CEACAM5: variants seen among roughly 807,000 people sequenced by gnomAD.
CEACAM5 encodes cell adhesion molecule CEACAM5.
In CEACAM5, 52 loss-of-function variants were observed where a neutral mutation model predicts 63.0. That is an observed-to-expected ratio of 0.83 (90% CI 0.66 to 1.04). The LOEUF (loss-of-function observed/expected upper bound fraction) is 1.04, where lower values mean the gene tolerates loss of function less well. Among genes scored for constraint, CEACAM5 ranks in the 50% least tolerant of loss-of-function variants. The probability of loss-of-function intolerance (pLI) is 0.00; values close to 1 mark genes in which losing one functional copy is unlikely to be tolerated. For synonymous variants in CEACAM5, 357 were observed against 351.3 expected (o/e 1.02, Z -0.18); for missense variants, 790 against 864.8 (o/e 0.91, Z 1.08).
rs1326050477 is a variant in CEACAM5 at position 41,720,606 on chromosome 19, A to G, written c.1772-316A>G. Reference sequence around the variant, plus strand: ...ACTGCAAGCTCCGCCTCCTAGGTTCACACCATTCTCCTGCCTCAGCCTCCC... The same window carrying G: ...ACTGCAAGCTCCGCCTCCTAGGTTCGCACCATTCTCCTGCCTCAGCCTCCC... On this transcript the variant is annotated intron_variant, in intron 7 of 9. Transcript: ENST00000221992. 2.8e-5 allele frequency among the ~76,000 whole-genome samples: 4 copies of G among 144,928 alleles called. No individual in the cohort carries two copies. In the Admixed American group the frequency reaches 3.0e-4, roughly 11 times the overall value.
At chr19:41,719,074 C>T (rs1274166139) in intron 6 of CEACAM5, among the ~76,000 whole-genome samples, 1 of 152,104 alleles carries the variant, frequency 6.6e-6, no homozygotes, top group African/African-American at 2.4e-5. Context: ...CTGAAGTCAC[C>T]GGCTGTATGA....
At chr19:41,710,510 C>A (rs2072419856) in intron 2 of CEACAM5, among the ~76,000 whole-genome samples, 1 of 152,186 alleles carries the variant, frequency 6.6e-6, no homozygotes, top group African/African-American at 2.4e-5. Flanking sequence ...AGCAGCTGTC[C>A]AAGGGCTGTG....
intron 9 of CEACAM5, 45 bp downstream of exon 9, chr19:41,727,397 G>A (rs1052948329): frequency 5.2e-6 from 5 of 957,460 alleles, no homozygotes; most frequent in Non-Finnish European, 6.6e-6. Flanking sequence ...CTGCAGTGCT[G>A]ACTGCCATGC....
At chr19:41,712,375 T>C (rs546324879) in intron 2 of CEACAM5, among the ~76,000 whole-genome samples, 1 of 152,376 alleles carries the variant, frequency 6.6e-6, no homozygotes, top group Non-Finnish European at 1.5e-5. Flanking sequence ...TCACTTAGAC[T>C]CTACCCAGTT....
intron 2 of CEACAM5, among the ~76,000 whole-genome samples, chr19:41,710,449 C>T (rs1193664388): frequency 3.3e-5 from 5 of 152,152 alleles, no homozygotes; most frequent in African/African-American, 1.2e-4. Flanking sequence ...GGAGCCTGTG[C>T]CAGGGCTGTG....
chr19:41,716,590 T>C (rs1052130376), intron 4 of CEACAM5, among the ~76,000 whole-genome samples: 4 of 152,214 alleles, frequency 2.6e-5, no homozygotes, highest in Non-Finnish European at 4.4e-5. Context: ...CTGGCTCTGA[T>C]GTCACCAGCT....
intron 2 of CEACAM5, among the ~76,000 whole-genome samples, chr19:41,712,596 T>C (rs1365626232): frequency 1.3e-5 from 2 of 152,064 alleles, no homozygotes; most frequent in Admixed American, 1.3e-4. Flanking sequence ...CACCTAAGAG[T>C]TCCTCTCTGA....
At chr19:41,727,535 G>A (rs1477090773) in intron 9 of CEACAM5, among the ~76,000 whole-genome samples, 183 bp downstream of exon 9, 2 of 152,046 alleles carry the variant, frequency 1.3e-5, no homozygotes, top group Admixed American at 6.5e-5. Flanking sequence ...CTCCCTGTAC[G>A]CCACTGTCTC....
At chr19:41,718,457 GA>G in intron 6 of CEACAM5, 75 bp downstream of exon 6, 2 of 1,550,992 alleles carry the variant, frequency 1.3e-6, no homozygotes, top group Non-Finnish European at 1.8e-6. Flanking sequence ...GAGCCAGGAA[GA>G]AATTTTCTTT....
intron 8 of CEACAM5, among the ~76,000 whole-genome samples, chr19:41,722,896 T>G (rs1369086135): frequency 6.9e-6 from 1 of 145,888 alleles, no homozygotes; most frequent in African/African-American, 2.8e-5. Flanking sequence ...CTTTTTTTTG[T>G]TTGTTTGTTT....
Position 41,720,947 on chromosome 19 carries a change from C to T in CEACAM5, c.1797C>T (p.Ser599=). The change falls in exon 8 of 10, where the codon TCC becomes TCT. Residue 599 remains serine (S), a synonymous_variant. Coordinates refer to ENST00000221992, the MANE Select transcript of CEACAM5 (RefSeq NM_004363.6). ...VLYGPDTPII[S]PPDSSYLSGA... ...ATGGGCCGGACACCCCCATCATTTC[C>T]CCCCCAGACTCGTCTTACCTTTCGG... is the stretch of plus-strand genomic sequence containing the variant. 3 of 1,614,024 alleles carry T rather than the reference C, an allele frequency of 1.9e-6. No individual in the cohort carries two copies. The highest frequency in any genetic ancestry group is 1.7e-6 in the Non-Finnish European group (2 of 1,179,982).
intron 6 of CEACAM5, among the ~76,000 whole-genome samples, chr19:41,719,398 A>T (rs2072580847): frequency 1.3e-5 from 2 of 152,220 alleles, no homozygotes; most frequent in Admixed American, 6.5e-5. Context: ...ACTCTTGGGT[A>T]GAGCTGCCCA....
In CEACAM5 at chr19:41,710,045, T is replaced by G; in HGVS notation, c.424+6T>G. On this transcript the variant is annotated splice_donor_region_variant and intron_variant, in intron 2 of 9. Coordinates refer to ENST00000221992, the MANE Select transcript of CEACAM5 (RefSeq NM_004363.6). The stretch of plus-strand genomic sequence containing the variant: ...TGGCCAGTTCCGGGTATACCGTGAG[T>G]GATTCCCCCATGACCTCTGGGTGTT... The G allele has an allele frequency of 6.3e-7, 1 of 1,591,314 alleles. No individual in the cohort carries two copies. Among genetic ancestry groups the G allele is most frequent in the East Asian group, 2.2e-5 (1 of 44,780 alleles).
At chr19:41,719,654 G>A (rs782335684) in intron 6 of CEACAM5, among the ~76,000 whole-genome samples, 3 of 152,162 alleles carry the variant, frequency 2.0e-5, no homozygotes, top group Non-Finnish European at 4.4e-5. Context: ...GGAGGTGCTG[G>A]GGGCTGTGAC....
chr19:41,721,404 C>A (rs1452151351), intron 8 of CEACAM5, among the ~76,000 whole-genome samples: 1 of 152,240 alleles, frequency 6.6e-6, no homozygotes, highest in African/African-American at 2.4e-5. Context: ...TGGGGAGGGG[C>A]CTCCCTTAGC....
rs140663408 is a variant in CEACAM5, at chr19:41,715,089, C to T, written c.543C>T (p.Asn181=). Residue 181 remains asparagine (N), a synonymous_variant, in exon 3 of 10, where the codon AAC becomes AAT. Coordinates refer to ENST00000221992, the MANE Select transcript of CEACAM5 (RefSeq NM_004363.6). ...TQDATYLWWV[N]NQSLPVSPRL... ...ACGCAACCTACCTGTGGTGGGTAAA[C>T]AATCAGAGCCTCCCGGTCAGTCCCA... 5.0e-6 allele frequency: 8 copies of T among 1,614,094 alleles called. No individual in the cohort carries two copies. The African/African-American group carries it at 6.7e-5, about 13-fold the overall frequency.
intron 8 of CEACAM5, among the ~76,000 whole-genome samples, chr19:41,726,644 T>C (rs2072704350): frequency 6.6e-6 from 1 of 152,138 alleles, no homozygotes; most frequent in African/African-American, 2.4e-5. Context: ...CAGATCTGAT[T>C]CCTGAGAAGG....
chr19:41,711,688 G>A (rs536937716), intron 2 of CEACAM5, among the ~76,000 whole-genome samples: 18 of 152,252 alleles, frequency 1.2e-4, no homozygotes, highest in East Asian at 9.7e-4. Flanking sequence ...ACTATACCCC[G>A]CATGGCTCAT....
chr19:41,718,096 A>G lies in CEACAM5; in HGVS notation c.1238-32A>G, dbSNP rs556876550. The G allele has an allele frequency of 5.6e-6, 9 of 1,611,678 alleles. No homozygotes were observed. The South Asian group carries it at 7.7e-5, about 14-fold the overall frequency. ...GGAGCTTCCCCTTTGCTCTGATGAC[A>G]TTCACCTGTGGCCCTATTCTCTTTG... On this transcript the variant is annotated intron_variant, in intron 5 of 9. Coordinates refer to ENST00000221992, the MANE Select transcript of CEACAM5 (RefSeq NM_004363.6).
Sources: allele counts gnomAD v4.1 joint callset (sites outside exome capture counted in the v4.1 genomes callset), GRCh38; gene constraint gnomAD v4.1.1; transcripts MANE v1.5; gene names NCBI Gene and HGNC (gene_info 2026-07-23, HGNC 2026-07-21).